The following ZNRF1 variants were observed in gnomAD, a reference collection of about 807,000 sequenced individuals.
ZNRF1 encodes zinc and ring finger 1.
ZNRF1 carries 3 observed loss-of-function variants against 18.4 expected under a neutral mutation model. The ratio of observed to expected loss-of-function variants is 0.16; its 90% CI spans 0.07 to 0.42. ZNRF1 has a LOEUF of 0.42. Among genes scored for constraint, ZNRF1 ranks in the 10% least tolerant of loss-of-function variants. The probability of loss-of-function intolerance (pLI) is 0.99; values close to 1 mark genes in which losing one functional copy is unlikely to be tolerated. For synonymous variants in ZNRF1, 157 were observed against 144.2 expected (o/e 1.09, Z -0.64); for missense variants, 310 against 329.8 (o/e 0.94, Z 0.47).
rs571175559 is a variant in ZNRF1, at chr16:75,087,480, G to A, written c.425-6092G>A. ...TCTGGCTGATCCAACTCTCTGCTCA[G>A]CTCTTCTGGCTGTGTAAACAGTGAG... On this transcript the variant is annotated intron_variant, in intron 1 of 4. Coordinates refer to ENST00000335325, the MANE Select transcript of ZNRF1 (RefSeq NM_032268.5). Among the ~76,000 whole-genome samples, 10 of 152,330 alleles carry A rather than the reference G, an allele frequency of 6.6e-5. No individual in the cohort carries two copies. In the South Asian group the frequency reaches 2.1e-3, roughly 32 times the overall value.
chr16:75,051,819 C>A (rs2035609846), intron 1 of ZNRF1, among the ~76,000 whole-genome samples: 1 of 152,176 alleles, frequency 6.6e-6, no homozygotes, highest in African/African-American at 2.4e-5. Context: ...CACAGCCCAT[C>A]TTTTTTTAAA....
rs144359738 is a variant in ZNRF1, at chr16:75,101,411, G to A, written c.521-3373G>A. Among the ~76,000 whole-genome samples, 68 of 152,212 alleles carry A rather than the reference G, an allele frequency of 4.5e-4. 2 individuals carry two copies. Among genetic ancestry groups the A allele is most frequent in the South Asian group, 1.0e-3 (5 of 4,826 alleles). On this transcript the variant is annotated intron_variant, in intron 2 of 4. Coordinates refer to ENST00000335325, the MANE Select transcript of ZNRF1 (RefSeq NM_032268.5). ...TCTACTAAAAACACAAAAATTAGCC[G>A]GGTGTGGTGGCATGCACCTGTAGTC...
intron 1 of ZNRF1, among the ~76,000 whole-genome samples, chr16:75,053,821 C>G (rs889369855): frequency 3.0e-4 from 46 of 152,282 alleles, no homozygotes; most frequent in African/African-American, 1.0e-3. Flanking sequence ...AAAGTCTAGA[C>G]TTTAGAAAAG....
rs368763105 is a variant in ZNRF1 at position 75,015,921 on chromosome 16, CT to C, written c.424+15842del. ...CCTTGTGCTAATACGCTTTTCTTTTCTTTTTTTTTTTTTTTTGAGACGGAGT... is the reference window on the plus strand; with the variant it reads ...CCTTGTGCTAATACGCTTTTCTTTTCTTTTTTTTTTTTTTTGAGACGGAGT... On this transcript the variant is annotated intron_variant, in intron 1 of 4. Transcript: ENST00000335325. Among the ~76,000 whole-genome samples the C allele has an allele frequency of 2.3e-3, 318 of 137,340 alleles. 1 individual carries two copies. The highest frequency in any genetic ancestry group is 4.5e-3 in the African/African-American group (165 of 36,860). The allele number at this position is 137,340 out of a possible 152,430, so 90.1% of individuals were successfully genotyped here. A position where few individuals can be genotyped will look rare whatever the true frequency, so the allele number is the denominator to read the frequency against.
intron 1 of ZNRF1, among the ~76,000 whole-genome samples, chr16:75,059,733 C>G (rs146660613): frequency 1.3e-5 from 2 of 152,116 alleles, no homozygotes; most frequent in African/African-American, 2.4e-5. Context: ...TTTACTCTAC[C>G]TGTAATGTTT....
At chr16:75,107,408 T>C in intron 4 of ZNRF1, 1 of 201,080 alleles carries the variant, frequency 5.0e-6, no homozygotes, top group Non-Finnish European at 1.0e-5. Context: ...CTTGCTTTCG[T>C]TTTCTTTTGT....
At chr16:75,021,036 T>TTTTG (rs761838387) in intron 1 of ZNRF1, among the ~76,000 whole-genome samples, 91 of 152,184 alleles carry the variant, frequency 6.0e-4, no homozygotes, top group Non-Finnish European at 1.2e-3. Flanking sequence ...TTCTACCTTG[T>TTTTG]TTTGTTTGTT....
At chr16:75,004,515 T>C (rs1299913355) in intron 1 of ZNRF1, among the ~76,000 whole-genome samples, 2 of 152,254 alleles carry the variant, frequency 1.3e-5, no homozygotes, top group East Asian at 1.9e-4. Context: ...CTTAGTCATA[T>C]GTGTATATAT....
intron 1 of ZNRF1, among the ~76,000 whole-genome samples, chr16:75,029,526 G>A (rs1479824275): frequency 6.6e-6 from 1 of 152,138 alleles, no homozygotes; most frequent in Non-Finnish European, 1.5e-5. Flanking sequence ...CAGCACTTTG[G>A]GAGGCTGAGG....
chr16:75,033,560 C>T (rs1294363528), intron 1 of ZNRF1, among the ~76,000 whole-genome samples: 1 of 151,902 alleles, frequency 6.6e-6, no homozygotes, highest in African/African-American at 2.4e-5. Context: ...CCACCTCAGC[C>T]TCCAAGTAGC....
intron 1 of ZNRF1, among the ~76,000 whole-genome samples, chr16:75,085,791 T>TGAGAGAGAGAGAGAGAGAGAGAGA (rs71378737): frequency 1.0e-4 from 14 of 139,130 alleles, no homozygotes; most frequent in African/African-American, 3.2e-4. Context: ...TCCGACAGAG[T>TGAGAGAGAGAGAGAGAGAGAGAGA]GAGAGAGAGA....
chr16:75,000,031 C>G lies in ZNRF1; in HGVS notation c.360C>G (p.Ser120=). Residue 120 remains serine, a synonymous_variant, in exon 1 of 5, where the codon TCC becomes TCG. Transcript: ENST00000335325. Reference sequence around the variant, plus strand: ...GAGACGGGATGCTGTACCTGGGCTCCCGAGCCTCGCTGGCGGATGCTCTAC... The same window carrying G: ...GAGACGGGATGCTGTACCTGGGCTCGCGAGCCTCGCTGGCGGATGCTCTAC... The part of the protein sequence containing the change: ...HHRDGMLYLG[S]RASLADALPL... The G allele has an allele frequency of 6.3e-7, 1 of 1,596,586 alleles. No individual in the cohort carries two copies. The highest frequency in any genetic ancestry group is 8.5e-7 in the Non-Finnish European group (1 of 1,172,868).
At chr16:75,013,520 T>G in intron 1 of ZNRF1, among the ~76,000 whole-genome samples, 1 of 152,014 alleles carries the variant, frequency 6.6e-6, no homozygotes, top group East Asian at 1.9e-4. Flanking sequence ...CTAATTTTTG[T>G]ATTTTTAGGA....
chr16:75,056,717 T>C lies in ZNRF1; in HGVS notation c.425-36855T>C, dbSNP rs369262033. On this transcript the variant is annotated intron_variant, in intron 1 of 4. Coordinates refer to ENST00000335325, the MANE Select transcript of ZNRF1 (RefSeq NM_032268.5). The stretch of plus-strand genomic sequence containing the variant: ...TCTCAGCTCACTGCAACCTCTACCT[T>C]CTGGGTTCAAGTGATTCTCTTGCCT... Among the ~76,000 whole-genome samples the C allele has an allele frequency of 3.5e-4, 54 of 152,200 alleles. 2 individuals are homozygous for C. The highest frequency in any genetic ancestry group is 1.2e-3 in the South Asian group (6 of 4,824).
intron 1 of ZNRF1, among the ~76,000 whole-genome samples, chr16:75,055,129 A>G (rs1032643447): frequency 2.6e-5 from 4 of 152,204 alleles, no homozygotes; most frequent in African/African-American, 7.2e-5. Flanking sequence ...GCATCACCCC[A>G]TGCTGCATTG....
At chr16:75,101,132 C>G (rs1404822776) in intron 2 of ZNRF1, among the ~76,000 whole-genome samples, 4 of 152,118 alleles carry the variant, frequency 2.6e-5, no homozygotes, top group African/African-American at 9.7e-5. Flanking sequence ...CAGACTTTCA[C>G]CATGTTGGCC....
chr16:75,018,426 T>G (rs911240794), intron 1 of ZNRF1, among the ~76,000 whole-genome samples: 2 of 152,216 alleles, frequency 1.3e-5, no homozygotes, highest in Non-Finnish European at 2.9e-5. Context: ...TTCTTTCTTA[T>G]TTTAAGATTG....
At chr16:75,084,585 A>T (rs2036053037) in intron 1 of ZNRF1, 1 of 152,216 alleles carries the variant, frequency 6.6e-6, no homozygotes, top group African/African-American at 2.4e-5. Context: ...AATGCAGCTC[A>T]AGCATCCTGT....
chr16:75,030,343 C>G (rs1277065404), intron 1 of ZNRF1, among the ~76,000 whole-genome samples: 1 of 151,868 alleles, frequency 6.6e-6, no homozygotes, highest in Admixed American at 6.6e-5. Flanking sequence ...TGGTTTGGAC[C>G]CCTACCTCAC....
Sources: allele counts gnomAD v4.1 joint callset (sites outside exome capture counted in the v4.1 genomes callset), GRCh38; gene constraint gnomAD v4.1.1; transcripts MANE v1.5; gene names NCBI Gene and HGNC (gene_info 2026-07-23, HGNC 2026-07-21).